RCAN2: variants seen among roughly 807,000 people sequenced by gnomAD.
RCAN2 encodes calcipressin-2.
A neutral mutation model predicts 23.6 loss-of-function variants in RCAN2; 9 were observed. The ratio of observed to expected loss-of-function variants is 0.38; its 90% CI spans 0.23 to 0.67. The LOEUF (loss-of-function observed/expected upper bound fraction) is 0.67, where lower values mean the gene tolerates loss of function less well. RCAN2 is among the 30% of genes least tolerant of loss of function. The pLI is 0.51. For missense variants in RCAN2, 273 were observed against 302.3 expected (o/e 0.90, Z 0.72); for synonymous variants, 109 against 115.7 (o/e 0.94, Z 0.37).
chr6:46,423,098 A>G (rs1766928807), intron 2 of RCAN2, among the ~76,000 whole-genome samples: 1 of 152,150 alleles, frequency 6.6e-6, no homozygotes, highest in African/African-American at 2.4e-5. Context: ...GCCTTGGTGA[A>G]GGAGTGGGTC....
intron 1 of RCAN2, among the ~76,000 whole-genome samples, chr6:46,480,914 G>C (rs533731534): frequency 6.6e-6 from 1 of 152,326 alleles, no homozygotes; most frequent in South Asian, 2.1e-4. Flanking sequence ...GAGCCACTGC[G>C]CCCGGCCACT....
At chr6:46,321,671 C>T (rs571926197) in intron 2 of RCAN2, among the ~76,000 whole-genome samples, 2 of 152,320 alleles carry the variant, frequency 1.3e-5, no homozygotes, top group Non-Finnish European at 2.9e-5. Context: ...GGTTTGGATG[C>T]CCCCTGGCAG....
At chr6:46,269,778 C>A (rs4711847) in intron 2 of RCAN2, among the ~76,000 whole-genome samples, 119,300 of 152,040 alleles carry the variant, frequency 0.78, 47,115 homozygotes, top group Non-Finnish European at 0.83. Context: ...CAGGATTGGG[C>A]AGAGGGAGGA....
intron 2 of RCAN2, among the ~76,000 whole-genome samples, chr6:46,381,091 G>A (rs1765605388): frequency 6.6e-6 from 1 of 152,146 alleles, no homozygotes; most frequent in African/African-American, 2.4e-5. Flanking sequence ...ATTAAAACAT[G>A]ACAATGTGCA....
At chr6:46,393,745 C>T (rs958985513) in intron 2 of RCAN2, among the ~76,000 whole-genome samples, 6 of 152,196 alleles carry the variant, frequency 3.9e-5, no homozygotes, top group African/African-American at 1.4e-4. Flanking sequence ...TGTAGAAGGG[C>T]CAACCACCTA....
At chr6:46,332,041 T>A (rs1462962984) in intron 2 of RCAN2, among the ~76,000 whole-genome samples, 1 of 152,218 alleles carries the variant, frequency 6.6e-6, no homozygotes, top group Non-Finnish European at 1.5e-5. Flanking sequence ...ATAAAGCATA[T>A]ACAAATTATG....
chr6:46,443,008 C>T (rs1445783122), intron 2 of RCAN2, among the ~76,000 whole-genome samples: 1 of 152,128 alleles, frequency 6.6e-6, no homozygotes, highest in Non-Finnish European at 1.5e-5. Context: ...TTATGGGTCT[C>T]AGTCACTGTT....
intron 2 of RCAN2, among the ~76,000 whole-genome samples, chr6:46,315,472 G>T (rs1353149650): frequency 6.6e-6 from 1 of 152,172 alleles, no homozygotes; most frequent in Non-Finnish European, 1.5e-5. Flanking sequence ...GTAGGCTCCA[G>T]AAGGAAGAAG....
intron 2 of RCAN2, among the ~76,000 whole-genome samples, chr6:46,265,910 T>A (rs1360478729): frequency 6.6e-6 from 1 of 152,218 alleles, no homozygotes; most frequent in Non-Finnish European, 1.5e-5. Context: ...TATGGAGAGT[T>A]GGAATTCTTG....
chr6:46,485,475 G>A (rs890592634), intron 1 of RCAN2, among the ~76,000 whole-genome samples: 5 of 152,082 alleles, frequency 3.3e-5, no homozygotes, highest in African/African-American at 1.2e-4. Context: ...ATACTTTCCT[G>A]TGTTTTCCAA....
intron 2 of RCAN2, among the ~76,000 whole-genome samples, chr6:46,293,116 G>T (rs1388613555): frequency 6.6e-6 from 1 of 152,100 alleles, no homozygotes; most frequent in African/African-American, 2.4e-5. Flanking sequence ...TCTTTATCCA[G>T]TCTATCACTG....
intron 2 of RCAN2, among the ~76,000 whole-genome samples, chr6:46,454,565 G>A (rs1767967785): frequency 1.3e-5 from 2 of 152,080 alleles, no homozygotes; most frequent in African/African-American, 4.8e-5. Flanking sequence ...TGCTGAGGTA[G>A]GACACTTTCT....
chr6:46,274,813 T>G (rs1767639575), intron 2 of RCAN2, among the ~76,000 whole-genome samples: 1 of 152,178 alleles, frequency 6.6e-6, no homozygotes, highest in South Asian at 2.1e-4. Flanking sequence ...AAGTACTTTC[T>G]GAATTTTTCC....
intron 2 of RCAN2, among the ~76,000 whole-genome samples, chr6:46,378,658 AG>A (rs1765542541): frequency 6.6e-6 from 1 of 152,202 alleles, no homozygotes. Flanking sequence ...CACAAGCCTC[AG>A]GGGGGTTAGT....
Position 46,383,168 on chromosome 6 carries a change from AGTGTGTGT to A in RCAN2, c.225+73576_225+73583del, listed in dbSNP as rs71305761. ...AGGAAAAGATTCGTGCAGCCTGGGT[AGTGTGTGT>A]GTGTGTGTGTGTGTGTGTGTGTGTG... On this transcript the variant is annotated intron_variant, in intron 2 of 4. Coordinates refer to ENST00000371374, the MANE Select transcript of RCAN2 (RefSeq NM_001251974.2). Among the ~76,000 whole-genome samples the A allele has an allele frequency of 2.4e-3, 332 of 139,396 alleles. 1 individual carries two copies. Among genetic ancestry groups the A allele is most frequent in the African/African-American group, 7.7e-3 (292 of 38,114 alleles). The allele number at this position is 139,396 out of a possible 152,430, so 91.4% of individuals were successfully genotyped here.
chr6:46,344,911 T>G (rs1417611), intron 2 of RCAN2, among the ~76,000 whole-genome samples: 62,762 of 151,832 alleles, frequency 0.41, 14,309 homozygotes, highest in East Asian at 0.6. Flanking sequence ...TTAATTAAAA[T>G]GTGGAAATGA....
chr6:46,314,571 T>A (rs1763373784), intron 2 of RCAN2, among the ~76,000 whole-genome samples: 1 of 151,790 alleles, frequency 6.6e-6, no homozygotes, highest in Non-Finnish European at 1.5e-5. Context: ...TTTCTACCTA[T>A]CTCCACTGTT....
At chr6:46,329,862 C>G (rs1763907754) in intron 2 of RCAN2, among the ~76,000 whole-genome samples, 1 of 152,216 alleles carries the variant, frequency 6.6e-6, no homozygotes, top group Non-Finnish European at 1.5e-5. Flanking sequence ...TCAGGCAATT[C>G]TCTAAAAGGA....
At chr6:46,309,454 A>G (rs1017514957) in intron 2 of RCAN2, among the ~76,000 whole-genome samples, 16 of 152,164 alleles carry the variant, frequency 1.1e-4, no homozygotes, top group African/African-American at 3.9e-4. Context: ...CCTTACCCCC[A>G]TTTTCTCCTT....
Sources: gnomAD v4.1 joint callset for allele counts (sites outside exome capture counted in the v4.1 genomes callset) on GRCh38, gnomAD v4.1.1 for gene constraint, MANE v1.5 for transcripts, NCBI Gene and HGNC (gene_info 2026-07-23, HGNC 2026-07-21) for gene names.